The following CDC45 variants were observed in gnomAD, a reference collection of about 807,000 sequenced individuals.
CDC45 encodes the protein cell division cycle 45.
CDC45 carries 54 observed loss-of-function variants against 77.8 expected under a neutral mutation model. That is an observed-to-expected ratio of 0.69 (90% CI 0.56 to 0.87). The LOEUF (loss-of-function observed/expected upper bound fraction) is 0.87. CDC45 is among the 40% of genes least tolerant of loss of function. CDC45 has a pLI of 0.00. For missense variants in CDC45, 649 were observed against 721.6 expected (o/e 0.90, Z 1.15); for synonymous variants, 260 against 272.1 (o/e 0.96, Z 0.44).
intron 17 of CDC45, 125 bp downstream of exon 17, chr22:19,517,018 A>T: frequency 1.3e-6 from 1 of 785,356 alleles, no homozygotes; most frequent in Non-Finnish European, 2.1e-6. Flanking sequence ...GACCTTCCAG[A>T]TCTGGCCCTG....
At chr22:19,504,457 G>A (rs1215233997) in intron 9 of CDC45, among the ~76,000 whole-genome samples, 3 of 152,114 alleles carry the variant, frequency 2.0e-5, no homozygotes, top group East Asian at 1.9e-4. Context: ...GCAGCAACAC[G>A]CCCGGCTAAT....
chr22:19,484,804 C>G (rs1312666150), intron 5 of CDC45, among the ~76,000 whole-genome samples: 1 of 152,234 alleles, frequency 6.6e-6, no homozygotes, highest in Non-Finnish European at 1.5e-5. Context: ...ATGCTTCTCT[C>G]TTCTTTCTCA....
chr22:19,484,759 A>G (rs893441202), intron 5 of CDC45, among the ~76,000 whole-genome samples: 1 of 152,124 alleles, frequency 6.6e-6, no homozygotes, highest in African/African-American at 2.4e-5. Flanking sequence ...GACATTCTTC[A>G]TTTGGGGAAG....
intron 5 of CDC45, 43 bp from the exon 6 acceptor site, chr22:19,494,284 G>C: frequency 1.3e-6 from 2 of 1,571,974 alleles, no homozygotes; most frequent in Non-Finnish European, 1.7e-6. Flanking sequence ...ATAAATTCCT[G>C]GTGCATTTGC....
At chr22:19,488,810 T>A (rs957037310) in intron 5 of CDC45, among the ~76,000 whole-genome samples, 14 of 152,126 alleles carry the variant, frequency 9.2e-5, no homozygotes, top group Admixed American at 8.5e-4. Context: ...TAATTAAAGT[T>A]TTTCTTTTGA....
At chr22:19,483,771 A>C (rs1474825714) in intron 4 of CDC45, 91 bp from the exon 5 acceptor site, 1 of 1,238,576 alleles carries the variant, frequency 8.1e-7, no homozygotes, top group East Asian at 2.4e-5. Context: ...GAGTCAGCTT[A>C]TTAGGAAATG....
chr22:19,515,083 G>T, intron 15 of CDC45, 35 bp downstream of exon 15: 1 of 1,554,576 alleles, frequency 6.4e-7, no homozygotes, highest in Non-Finnish European at 8.7e-7. Context: ...GGTACAGGAG[G>T]GCAGGTGCTT....
intron 5 of CDC45, among the ~76,000 whole-genome samples, chr22:19,485,359 G>C (rs541281823): frequency 6.6e-6 from 1 of 152,212 alleles, no homozygotes; most frequent in Non-Finnish European, 1.5e-5. Flanking sequence ...CTTTCCATTG[G>C]GGGAGACAGA....
intron 7 of CDC45, among the ~76,000 whole-genome samples, chr22:19,496,646 A>C (rs1185544536): frequency 6.6e-6 from 1 of 152,120 alleles, no homozygotes; most frequent in Non-Finnish European, 1.5e-5. Flanking sequence ...AATTCTAAAC[A>C]GTTGGTGGGG....
At chr22:19,495,484 G>A (rs1205481281) in intron 6 of CDC45, among the ~76,000 whole-genome samples, 1 of 151,858 alleles carries the variant, frequency 6.6e-6, no homozygotes, top group Non-Finnish European at 1.5e-5. Flanking sequence ...CTGGCAGTTT[G>A]TGTTAATTTC....
rs746445531 is a variant in CDC45 at position 19,508,668 on chromosome 22, C to G, written c.1194C>G (p.Ile398Met). The G allele has an allele frequency of 6.2e-7, 1 of 1,614,200 alleles. No homozygotes were observed. The highest frequency in any genetic ancestry group is 1.7e-5 in the Admixed American group (1 of 60,020). ...ATGGCTCAGGGACAGATCACTTCAT[C>G]CAGGCTCTGGACAGCCTCTCCAGGT... ...EKDGSGTDHF[I>M]QALDSLSRSN... The change falls in exon 13 of 19, where the codon ATC becomes ATG. Residue 398 changes from isoleucine to methionine, a missense_variant. Transcript: ENST00000263201.
At chr22:19,500,102 G>A (rs1568925240) in intron 9 of CDC45, among the ~76,000 whole-genome samples, 1 of 152,238 alleles carries the variant, frequency 6.6e-6, no homozygotes, top group African/African-American at 2.4e-5. Context: ...CGTGTGTTAA[G>A]AGTAGCATGG....
At chr22:19,483,658 G>T (rs140144453) in intron 4 of CDC45, among the ~76,000 whole-genome samples, 99 of 152,278 alleles carry the variant, frequency 6.5e-4, no homozygotes, top group African/African-American at 2.3e-3. Flanking sequence ...TGCATACCAC[G>T]TATGGTGTAA....
chr22:19,506,574 G>A lies in CDC45; in HGVS notation c.825-812G>A, dbSNP rs13447259. ...TCGTCCTGTAGAGGGGAAATCCACC[G>A]TGGGGGACAGTCCACACTCACAACT... On this transcript the variant is annotated intron_variant, in intron 10 of 18. Coordinates refer to ENST00000263201, the MANE Select transcript of CDC45 (RefSeq NM_003504.5). 5.3e-3 allele frequency among the ~76,000 whole-genome samples: 801 copies of A among 152,256 alleles called. 5 individuals are homozygous for A. The highest frequency in any genetic ancestry group is 0.017 in the Middle Eastern group (5 of 294).
chr22:19,513,754 T>C (rs910555576), intron 13 of CDC45, among the ~76,000 whole-genome samples: 3 of 152,236 alleles, frequency 2.0e-5, no homozygotes, highest in African/African-American at 4.8e-5. Flanking sequence ...TGAGTTCTTA[T>C]ATATCTGACA....
intron 15 of CDC45, among the ~76,000 whole-genome samples, chr22:19,515,582 G>A (rs1344178615): frequency 6.6e-6 from 1 of 152,144 alleles, no homozygotes; most frequent in Non-Finnish European, 1.5e-5. Context: ...GTTTATGCCG[G>A]GGGCTATTTC....
rs1412086629 is a variant in CDC45, at chr22:19,518,871, G to A, written c.1664G>A (p.Ser555Asn). Residue 555 changes from serine (S) to asparagine (N), a missense_variant, in exon 18 of 19, where the codon AGC becomes AAC. Ser to Asn is a conservative substitution (Grantham distance 46). Coordinates refer to ENST00000263201, the MANE Select transcript of CDC45 (RefSeq NM_003504.5). ...ATTGAGCTGAAAGCTGAGGATCGGA[G>A]CAAGTTTCTGGACGCACTTATTTCC... Reference protein sequence around the residue: ...SVIELKAEDRSKFLDALISLL... With the variant: ...SVIELKAEDRNKFLDALISLL... 2 of 1,614,008 alleles carry A rather than the reference G, an allele frequency of 1.2e-6. No homozygotes were observed. The highest frequency in any genetic ancestry group is 1.3e-5 in the African/African-American group (1 of 74,914).
At chr22:19,504,743 CTCAG>C (rs1432864788) in intron 9 of CDC45, among the ~76,000 whole-genome samples, 1 of 152,140 alleles carries the variant, frequency 6.6e-6, no homozygotes, top group East Asian at 1.9e-4. Context: ...TTCGGAGCAG[CTCAG>C]TCAGTAGCTC....
rs11289637 is a variant in CDC45, at chr22:19,498,013, G to GA, written c.653+577dup. Among the ~76,000 whole-genome samples the GA allele has an allele frequency of 2.4e-4, 36 of 149,862 alleles. No individual in the cohort carries two copies. In the South Asian group the frequency reaches 3.1e-3, roughly 13 times the overall value. ...TAAAACCCTGTCTCTACCAAAAATA[G>GA]AAAAAAAAAAATTAGCCAGGCGTGG... On this transcript the variant is annotated intron_variant, in intron 8 of 18. Transcript: ENST00000263201.
Sources: gnomAD v4.1 joint callset for allele counts (sites outside exome capture counted in the v4.1 genomes callset) on GRCh38, gnomAD v4.1.1 for gene constraint, MANE v1.5 for transcripts, NCBI Gene and HGNC (gene_info 2026-07-23, HGNC 2026-07-21) for gene names.